MCTP1: variants seen among roughly 807,000 people sequenced by gnomAD.
MCTP1 encodes the protein multiple C2 and transmembrane domain containing 1.
In MCTP1, 69 loss-of-function variants were observed where a neutral mutation model predicts 120.6. The ratio of observed to expected loss-of-function variants is 0.57; its 90% CI spans 0.47 to 0.70. MCTP1 has a LOEUF of 0.70. Among genes scored for constraint, MCTP1 ranks in the 30% least tolerant of loss-of-function variants. The probability of loss-of-function intolerance (pLI) is 0.00; values close to 1 mark genes in which losing one functional copy is unlikely to be tolerated. For synonymous variants in MCTP1, 529 were observed against 493.1 expected (o/e 1.07, Z -0.96); for missense variants, 1,203 against 1,248.8 (o/e 0.96, Z 0.55).
rs1393360930 is a variant in MCTP1, at chr5:94,704,721, A to G, written c.*2775T>C. On this transcript the variant is annotated 3_prime_UTR_variant, in exon 23 of 23. Coordinates refer to ENST00000515393, the MANE Select transcript of MCTP1 (RefSeq NM_024717.7). ...CATACAGTTGGTATTCGATAAATATATCACAGAGTCCTTTTAAGAATCTCC... is the reference window on the plus strand; with the variant it reads ...CATACAGTTGGTATTCGATAAATATGTCACAGAGTCCTTTTAAGAATCTCC... The G allele has an allele frequency of 6.0e-5, 9 of 151,058 alleles. No homozygotes were observed. The highest frequency in any genetic ancestry group is 2.2e-4 in the African/African-American group (9 of 41,224). 9.4% of individuals were successfully genotyped at this position (151,058 alleles called of 1,614,324 possible). A position where few individuals can be genotyped will look rare whatever the true frequency, so the allele number is the denominator to read the frequency against.
chr5:94,782,009 C>CT (rs1483353118), intron 18 of MCTP1, among the ~76,000 whole-genome samples: 1 of 152,026 alleles, frequency 6.6e-6, no homozygotes, highest in Non-Finnish European at 1.5e-5. Context: ...CTATCGATGC[C>CT]TTTAAGCTGC....
chr5:95,193,839 T>C (rs1462107904), intron 1 of MCTP1, among the ~76,000 whole-genome samples: 1 of 152,192 alleles, frequency 6.6e-6, no homozygotes, highest in African/African-American at 2.4e-5. Context: ...ATATTTTAAC[T>C]TATGTAATTC....
chr5:95,277,691 T>C (rs1159812925), intron 1 of MCTP1, among the ~76,000 whole-genome samples: 1 of 152,168 alleles, frequency 6.6e-6, no homozygotes, highest in African/African-American at 2.4e-5. Flanking sequence ...TAAGTTCAGA[T>C]TGTTAATGCT....
intron 3 of MCTP1, among the ~76,000 whole-genome samples, chr5:94,943,797 C>T (rs32916): frequency 0.26 from 39,623 of 151,730 alleles, 5,969 homozygotes; most frequent in Admixed American, 0.35. Context: ...AAAAAAAACG[C>T]TACCAGATGA....
At chr5:95,082,948 T>C (rs1447020870) in intron 1 of MCTP1, among the ~76,000 whole-genome samples, 1 of 152,190 alleles carries the variant, frequency 6.6e-6, no homozygotes, top group Non-Finnish European at 1.5e-5. Flanking sequence ...CCAATTACTT[T>C]CTATCGGATG....
In MCTP1 at chr5:94,705,007, A is replaced by T. The variant is rs1222849155; in HGVS notation, c.*2489T>A. ...AATTATCACAACGAATGTCAGTAAT[A>T]GTTTATGAATATAAATAATGACTCA... On this transcript the variant is annotated 3_prime_UTR_variant, in exon 23 of 23. Coordinates refer to ENST00000515393, the MANE Select transcript of MCTP1 (RefSeq NM_024717.7). 2 of 151,430 alleles carry T rather than the reference A, an allele frequency of 1.3e-5. No homozygotes were observed. Among genetic ancestry groups the T allele is most frequent in the Non-Finnish European group, 3.0e-5 (2 of 67,622 alleles). The allele number at this position is 151,430 out of a possible 1,614,324, so 9.4% of individuals were successfully genotyped here. A position where few individuals can be genotyped will look rare whatever the true frequency, so the allele number is the denominator to read the frequency against.
chr5:94,708,033 C>T (rs1385658651), intron 22 of MCTP1, among the ~76,000 whole-genome samples: 3 of 151,636 alleles, frequency 2.0e-5, no homozygotes, highest in African/African-American at 4.8e-5. Context: ...TGGGCATTAA[C>T]CTCAAAGGAT....
chr5:95,061,715 G>A (rs1223532734), intron 1 of MCTP1, among the ~76,000 whole-genome samples: 2 of 151,980 alleles, frequency 1.3e-5, no homozygotes, highest in Admixed American at 6.6e-5. Flanking sequence ...GATTACAGGC[G>A]TGAGCCACCG....
At chr5:94,763,431 A>T (rs1263057912) in intron 19 of MCTP1, among the ~76,000 whole-genome samples, 1 of 152,210 alleles carries the variant, frequency 6.6e-6, no homozygotes, top group Non-Finnish European at 1.5e-5. Flanking sequence ...GATTTTATAT[A>T]CTAAACTTTC....
intron 1 of MCTP1, among the ~76,000 whole-genome samples, chr5:95,166,781 A>C (rs1188277952): frequency 1.3e-5 from 2 of 151,820 alleles, no homozygotes; most frequent in Admixed American, 1.3e-4. Flanking sequence ...GTTAGCCAGG[A>C]TGGTCTTGAT....
At chr5:95,122,667 A>G (rs1239116763) in intron 1 of MCTP1, among the ~76,000 whole-genome samples, 1 of 152,222 alleles carries the variant, frequency 6.6e-6, no homozygotes, top group African/African-American at 2.4e-5. Flanking sequence ...AGAGAAAGGA[A>G]TTCAGTATAT....
At chr5:94,752,203 G>A (rs141183599) in intron 19 of MCTP1, among the ~76,000 whole-genome samples, 7 of 144,750 alleles carry the variant, frequency 4.8e-5, no homozygotes, top group East Asian at 2.0e-4. Context: ...CAGTGTCTGC[G>A]TGTTTGGCAG....
intron 17 of MCTP1, among the ~76,000 whole-genome samples, chr5:94,866,977 C>A (rs1374017723): frequency 1.3e-5 from 2 of 151,656 alleles, no homozygotes; most frequent in Non-Finnish European, 2.9e-5. Context: ...AGGAGTGAAT[C>A]AAAAATGGCA....
Position 94,957,976 on chromosome 5 carries a change from A to G in MCTP1, c.839-4615T>C, listed in dbSNP as rs1276720528. ...GATCAATAGAATATACATTCTTCTC[A>G]GCACCACATTACACTTATTCTAAAA... On this transcript the variant is annotated intron_variant, in intron 2 of 22. Transcript: ENST00000515393. Among the ~76,000 whole-genome samples the G allele has an allele frequency of 2.0e-5, 3 of 152,232 alleles. No individual in the cohort carries two copies. The East Asian group carries it at 5.8e-4, about 29-fold the overall frequency.
intron 6 of MCTP1, among the ~76,000 whole-genome samples, chr5:94,929,283 T>C (rs1239627792): frequency 3.3e-5 from 5 of 152,214 alleles, no homozygotes; most frequent in Non-Finnish European, 1.5e-5. Context: ...TTTACACTTC[T>C]TAGATTATCT....
intron 1 of MCTP1, among the ~76,000 whole-genome samples, chr5:95,098,307 A>G (rs1173873434): frequency 6.6e-6 from 1 of 152,216 alleles, no homozygotes; most frequent in Non-Finnish European, 1.5e-5. Flanking sequence ...GATTTAAACA[A>G]ACTTCTTTTT....
At chr5:95,028,728 A>C (rs1165806468) in intron 1 of MCTP1, among the ~76,000 whole-genome samples, 2 of 152,264 alleles carry the variant, frequency 1.3e-5, no homozygotes, top group Non-Finnish European at 2.9e-5. Flanking sequence ...TTGTGTTGCA[A>C]GATACAAATT....
chr5:95,043,644 T>C (rs1206650614), intron 1 of MCTP1, among the ~76,000 whole-genome samples: 1 of 152,188 alleles, frequency 6.6e-6, no homozygotes, highest in Non-Finnish European at 1.5e-5. Flanking sequence ...ACATTTGCCA[T>C]TCTGATGGAA....
At position 94,889,520 on chromosome 5, in the gene MCTP1, C is replaced by T. The variant is rs940545898; in HGVS notation, c.1840-548G>A. Among the ~76,000 whole-genome samples, 4 of 152,224 alleles carry T rather than the reference C, an allele frequency of 2.6e-5. No homozygotes were observed. The South Asian group carries it at 8.3e-4, about 32-fold the overall frequency. ...CAGAGAATTGCTTGAACCCGGGAGG[C>T]AGAGGTTGCAGTGAGCCAAGATCGC... On this transcript the variant is annotated intron_variant, in intron 11 of 22. Transcript: ENST00000515393.
Sources: allele counts gnomAD v4.1 joint callset (sites outside exome capture counted in the v4.1 genomes callset), GRCh38; gene constraint gnomAD v4.1.1; transcripts MANE v1.5; gene names NCBI Gene and HGNC (gene_info 2026-07-23, HGNC 2026-07-21).